PCSK6: variants seen among roughly 807,000 people sequenced by gnomAD.
PCSK6 encodes proprotein convertase subtilisin/kexin type 6, also known as paired basic amino acid cleaving enzyme 4.
Under a neutral mutation model 123.3 loss-of-function variants are expected in PCSK6, and 85 were observed. The ratio of observed to expected loss-of-function variants is 0.69; its 90% CI spans 0.58 to 0.83. PCSK6 has a LOEUF of 0.83. Among genes scored for constraint, PCSK6 ranks in the 40% least tolerant of loss-of-function variants. PCSK6 has a pLI of 0.00. For missense variants in PCSK6, 1,191 were observed against 1,282.3 expected (o/e 0.93, Z 1.09); for synonymous variants, 508 against 516.0 (o/e 0.98, Z 0.21).
chr15:101,433,136 C>T (rs180837324), intron 2 of PCSK6, among the ~76,000 whole-genome samples: 164 of 152,308 alleles, frequency 1.1e-3, no homozygotes, highest in African/African-American at 3.7e-3. Flanking sequence ...AAAACCCAGC[C>T]CCGTGCTCAC....
At chr15:101,337,683 T>C (rs750820887) in intron 13 of PCSK6, among the ~76,000 whole-genome samples, 4 of 152,232 alleles carry the variant, frequency 2.6e-5, no homozygotes, top group Non-Finnish European at 4.4e-5. Flanking sequence ...TTCACTGTTT[T>C]CTCTTCCTTC....
intron 1 of PCSK6, among the ~76,000 whole-genome samples, chr15:101,473,202 G>C (rs1289924232): frequency 1.3e-5 from 2 of 151,986 alleles, no homozygotes; most frequent in African/African-American, 4.8e-5. Context: ...TCAGCCTCCT[G>C]AGTAGCTGGG....
intron 1 of PCSK6, among the ~76,000 whole-genome samples, chr15:101,473,903 TAATG>T (rs35214052): frequency 4.0e-5 from 6 of 149,500 alleles, no homozygotes; most frequent in East Asian, 2.0e-4. Flanking sequence ...AATAAATAAA[TAATG>T]AATGAATGAA....
chr15:101,338,519 A>C (rs8032108), intron 13 of PCSK6, among the ~76,000 whole-genome samples: 90,836 of 152,046 alleles, frequency 0.6, 27,750 homozygotes, highest in African/African-American at 0.72. Flanking sequence ...TCCAGGGACA[A>C]CCCAGGCCAG....
chr15:101,379,999 T>C (rs2041869345), intron 11 of PCSK6, among the ~76,000 whole-genome samples: 1 of 152,130 alleles, frequency 6.6e-6, no homozygotes, highest in South Asian at 2.1e-4. Flanking sequence ...AGTGATCTGA[T>C]AAGCAAGTGG....
chr15:101,389,562 GA>G lies in PCSK6; in HGVS notation c.1211del (p.Val404AlafsTer31), dbSNP rs757569764. The stretch of plus-strand genomic sequence containing the variant: ...TACAGCGCTGACGCAGATCCGTGGT[GA>G]CCTGGGGGAGAGAGAAGCACAGTGA... ...SSGAFYERKI[V>X]TTDLRQRCTD... On this transcript the variant is annotated frameshift_variant and splice_region_variant, in exon 9 of 22. Coordinates refer to ENST00000611716, the MANE Select transcript of PCSK6 (RefSeq NM_002570.5). LOFTEE classifies it high-confidence loss of function. 2.5e-6 allele frequency: 4 copies of G among 1,609,804 alleles called. No homozygotes were observed. The Admixed American group carries it at 6.7e-5, about 27-fold the overall frequency.
intron 6 of PCSK6, among the ~76,000 whole-genome samples, chr15:101,415,082 T>C (rs1373279799): frequency 6.6e-6 from 1 of 152,244 alleles, no homozygotes; most frequent in East Asian, 1.9e-4. Context: ...CATTATACCT[T>C]GTAATGTACC....
intron 20 of PCSK6, 117 bp downstream of exon 20, chr15:101,313,259 G>A: frequency 6.3e-7 from 1 of 1,577,712 alleles, no homozygotes. Flanking sequence ...CCTGTCCACA[G>A]TGGGGTGATG....
rs374018099 is a variant in PCSK6 at position 101,326,475 on chromosome 15, C to A, written c.2082G>T (p.Val694=). ...CTTTGTCACCACACTCCGGATGGCA[C>A]ACACCTTAAAGAAACAAGCATTGCC... ...PGSANILQTS[V]CHPECGDKGC... is the part of the protein sequence containing the mutation. Residue 694 remains valine (V), a synonymous_variant, in exon 16 of 22, where the codon GTG becomes GTT. Coordinates refer to ENST00000611716, the MANE Select transcript of PCSK6 (RefSeq NM_002570.5). 1.1e-5 allele frequency: 17 copies of A among 1,576,456 alleles called. No homozygotes were observed. Among genetic ancestry groups the A allele is most frequent in the African/African-American group, 1.4e-5 (1 of 73,958 alleles).
At chr15:101,375,728 AT>A (rs2041717629) in intron 11 of PCSK6, among the ~76,000 whole-genome samples, 1 of 152,148 alleles carries the variant, frequency 6.6e-6, no homozygotes. Flanking sequence ...TGCAGCTCTC[AT>A]GCCATAAATA....
In PCSK6 at chr15:101,326,427, G is replaced by C. The variant is rs769137564; in HGVS notation, c.2130C>G (p.Asp710Glu). The C allele has an allele frequency of 2.0e-5, 31 of 1,586,506 alleles. No homozygotes were observed. Among genetic ancestry groups the C allele is most frequent in the African/African-American group, 1.5e-4 (11 of 74,288 alleles). Residue 710 changes from aspartate to glutamate, a missense_variant, in exon 16 of 22, where the codon GAC (aspartate) becomes GAG (glutamate). By Grantham distance (45) the Asp-to-Glu change is conservative. Transcript: ENST00000611716. ...GDKGCDGPNA[D>E]QCLNCVHFSL... ...TGAAGTGGACGCAGTTCAAGCACTG[G>C]TCTGCATTGGGGCCATCACAGCCTT...
chr15:101,398,456 A>G lies in PCSK6; in HGVS notation c.944T>C (p.Val315Ala), dbSNP rs1468315375. 3 of 1,613,884 alleles carry G rather than the reference A, an allele frequency of 1.9e-6. No individual in the cohort carries two copies. In the East Asian group the frequency reaches 6.7e-5, roughly 36 times the overall value. Residue 315 changes from valine (V) to alanine (A), a missense_variant, in exon 7 of 22, where the codon GTG (valine) becomes GCG (alanine). Coordinates refer to ENST00000611716, the MANE Select transcript of PCSK6 (RefSeq NM_002570.5). This position sits in a 1 kb window ranked among gnomAD's most constrained non-coding sequence, Gnocchi z 4.6. Reference sequence around the variant, plus strand: ...CTTAGCCAGTCGGCCGGGCCCGTCCACCGTCTTGCCGTCGTCGTCCGGCCC... The same window carrying G: ...CTTAGCCAGTCGGCCGGGCCCGTCCGCCGTCTTGCCGTCGTCGTCCGGCCC... Reference protein sequence around the residue: ...SWGPDDDGKTVDGPGRLAKQA... With the variant: ...SWGPDDDGKTADGPGRLAKQA...
chr15:101,409,291 A>G (rs1054655351), intron 6 of PCSK6, among the ~76,000 whole-genome samples: 16 of 151,356 alleles, frequency 1.1e-4, no homozygotes, highest in Admixed American at 8.5e-4. Context: ...CCCTGTCTCT[A>G]TTAAAAATAC....
chr15:101,322,819 G>A (rs568468911), intron 17 of PCSK6, among the ~76,000 whole-genome samples: 108 of 152,282 alleles, frequency 7.1e-4, no homozygotes, highest in Middle Eastern at 3.4e-3. Flanking sequence ...AGGTAAAAAC[G>A]GTCCTCAGAC....
At chr15:101,472,384 C>T (rs748246125) in intron 1 of PCSK6, among the ~76,000 whole-genome samples, 4 of 152,250 alleles carry the variant, frequency 2.6e-5, no homozygotes, top group African/African-American at 4.8e-5. Flanking sequence ...GTGTTTCTAA[C>T]GATGGGACAA....
chr15:101,418,520 A>AAT (rs1305478277), intron 6 of PCSK6, among the ~76,000 whole-genome samples: 15 of 136,592 alleles, frequency 1.1e-4, no homozygotes, highest in Admixed American at 3.9e-4. Context: ...CCAATTTAGG[A>AAT]TTTTTTTTTT....
At chr15:101,437,474 C>A (rs1315301226) in intron 2 of PCSK6, among the ~76,000 whole-genome samples, 1 of 95,086 alleles carries the variant, frequency 1.1e-5, no homozygotes, top group Non-Finnish European at 2.0e-5. Context: ...TAGAAAGCCA[C>A]CCCCACCACC....
intron 1 of PCSK6, among the ~76,000 whole-genome samples, chr15:101,446,610 A>T (rs1405696207): frequency 3.3e-5 from 5 of 152,226 alleles, no homozygotes; most frequent in Non-Finnish European, 5.9e-5. Flanking sequence ...TGGTTGCAAC[A>T]GAGACCCTAG....
rs149845368 is a variant in PCSK6 at position 101,481,715 on chromosome 15, A to C, written c.297+7659T>G. Reference sequence around the variant, plus strand: ...CCTCTAGGCCTCCAGCTCTGCCACTAAGGTAGACAGGGGTCTCTTCTTGTA... The same window carrying C: ...CCTCTAGGCCTCCAGCTCTGCCACTCAGGTAGACAGGGGTCTCTTCTTGTA... On this transcript the variant is annotated intron_variant, in intron 1 of 21. Coordinates refer to ENST00000611716, the MANE Select transcript of PCSK6 (RefSeq NM_002570.5). Among the ~76,000 whole-genome samples, 7 of 152,276 alleles carry C rather than the reference A, an allele frequency of 4.6e-5. No homozygotes were observed. In the East Asian group the frequency reaches 1.2e-3, roughly 25 times the overall value.
Sources: gnomAD v4.1 joint callset for allele counts (sites outside exome capture counted in the v4.1 genomes callset) on GRCh38, gnomAD v4.1.1 for gene constraint, Gnocchi (gnomAD v3.1) non-coding constraint, MANE v1.5 for transcripts, NCBI Gene and HGNC (gene_info 2026-07-23, HGNC 2026-07-21) for gene names.